The following GRID2 variants were observed in gnomAD, a reference collection of about 807,000 sequenced individuals.
GRID2 encodes glutamate receptor ionotropic, delta-2.
A neutral mutation model predicts 114.8 loss-of-function variants in GRID2; 33 were observed. The observed-to-expected ratio is 0.29, with a 90% CI of 0.22 to 0.38. The LOEUF (loss-of-function observed/expected upper bound fraction) is 0.38. GRID2 is among the 10% of genes least tolerant of loss of function. GRID2 has a pLI of 1.00. For missense variants in GRID2, 1,184 were observed against 1,257.7 expected (o/e 0.94, Z 0.89); for synonymous variants, 505 against 449.9 (o/e 1.12, Z -1.55).
At chr4:93,383,312 C>A (rs558008950) in intron 8 of GRID2, among the ~76,000 whole-genome samples, 4 of 152,148 alleles carry the variant, frequency 2.6e-5, no homozygotes, top group Non-Finnish European at 5.9e-5. Context: ...TATAACATTC[C>A]TTTTGCCCAT....
At chr4:93,257,852 A>C (rs1291239255) in intron 8 of GRID2, among the ~76,000 whole-genome samples, 1 of 151,340 alleles carries the variant, frequency 6.6e-6, no homozygotes, top group Non-Finnish European at 1.5e-5. Flanking sequence ...ATAGGAATAA[A>C]ATATAATTTT....
At chr4:92,628,463 A>G (rs565611755) in intron 2 of GRID2, among the ~76,000 whole-genome samples, 1 of 152,162 alleles carries the variant, frequency 6.6e-6, no homozygotes, top group African/African-American at 2.4e-5. Context: ...GGTTCAAGCA[A>G]TTCTCCTGCC....
intron 13 of GRID2, among the ~76,000 whole-genome samples, chr4:93,559,783 T>A (rs1734703804): frequency 1.3e-5 from 2 of 152,154 alleles, no homozygotes; most frequent in Admixed American, 6.6e-5. Flanking sequence ...TGCACAAGTA[T>A]GTTTATTGCA....
chr4:92,371,447 C>T (rs1252503152), intron 1 of GRID2, among the ~76,000 whole-genome samples: 1 of 152,140 alleles, frequency 6.6e-6, no homozygotes, highest in Non-Finnish European at 1.5e-5. Context: ...TGCTCATTCA[C>T]CATTCTGAAA....
intron 1 of GRID2, among the ~76,000 whole-genome samples, chr4:92,495,215 C>A (rs987185282): frequency 9.2e-5 from 14 of 151,946 alleles, no homozygotes; most frequent in African/African-American, 3.1e-4. Flanking sequence ...ATCTGGAATA[C>A]ATTTCAAGCT....
At chr4:92,854,383 C>G (rs1744033830) in intron 2 of GRID2, among the ~76,000 whole-genome samples, 1 of 151,966 alleles carries the variant, frequency 6.6e-6, no homozygotes, top group Non-Finnish European at 1.5e-5. Flanking sequence ...AAGATCACTC[C>G]AGGGGCAGAG....
At chr4:93,406,335 T>A (rs1766412456) in intron 9 of GRID2, among the ~76,000 whole-genome samples, 1 of 152,158 alleles carries the variant, frequency 6.6e-6, no homozygotes. Flanking sequence ...ACTGGAGACA[T>A]GAAAGTATGG....
intron 8 of GRID2, among the ~76,000 whole-genome samples, chr4:93,267,419 C>G (rs1750975342): frequency 6.6e-6 from 1 of 152,104 alleles, no homozygotes; most frequent in Non-Finnish European, 1.5e-5. Context: ...GGTGGAGCAA[C>G]CACTGCTGTG....
chr4:92,386,408 A>G (rs755523416), intron 1 of GRID2, among the ~76,000 whole-genome samples: 12 of 151,758 alleles, frequency 7.9e-5, no homozygotes, highest in Admixed American at 2.0e-4. Context: ...GTCCTAATGT[A>G]TGGCTGTTAA....
intron 1 of GRID2, among the ~76,000 whole-genome samples, chr4:92,334,878 A>G (rs762328454): frequency 3.3e-5 from 5 of 152,356 alleles, no homozygotes; most frequent in Non-Finnish European, 5.9e-5. Context: ...ATCACAGAGG[A>G]ACAGAGCCAA....
intron 8 of GRID2, among the ~76,000 whole-genome samples, chr4:93,247,142 T>C (rs1748305156): frequency 6.6e-6 from 1 of 152,114 alleles, no homozygotes; most frequent in Non-Finnish European, 1.5e-5. Context: ...AGATGACTGA[T>C]GGGGTACAAT....
intron 2 of GRID2, among the ~76,000 whole-genome samples, chr4:92,987,762 A>T (rs376122710): frequency 2.1e-5 from 2 of 96,822 alleles, no homozygotes; most frequent in Non-Finnish European, 3.9e-5. Flanking sequence ...GAATATTAAA[A>T]CAAAAAATAT....
intron 14 of GRID2, among the ~76,000 whole-genome samples, chr4:93,670,259 C>G (rs1724297158): frequency 6.6e-6 from 1 of 152,076 alleles, no homozygotes; most frequent in Non-Finnish European, 1.5e-5. Flanking sequence ...TCTATGCACC[C>G]TGAAACTCAA....
intron 8 of GRID2, among the ~76,000 whole-genome samples, chr4:93,395,291 T>C (rs1332638152): frequency 6.6e-6 from 1 of 151,984 alleles, no homozygotes; most frequent in African/African-American, 2.4e-5. Flanking sequence ...GTTAGAGTTA[T>C]ATGTGCTATT....
intron 13 of GRID2, among the ~76,000 whole-genome samples, chr4:93,596,130 G>A (rs1347097707): frequency 1.3e-5 from 2 of 152,142 alleles, no homozygotes; most frequent in African/African-American, 2.4e-5. Flanking sequence ...TTATTATCTA[G>A]TTCACTATTG....
intron 1 of GRID2, among the ~76,000 whole-genome samples, chr4:92,359,204 T>C (rs1020209591): frequency 1.3e-5 from 2 of 151,976 alleles, no homozygotes; most frequent in Admixed American, 6.6e-5. Flanking sequence ...CAACATGTAG[T>C]GTTCTCATGT....
intron 8 of GRID2, among the ~76,000 whole-genome samples, chr4:93,284,754 G>T (rs1013907091): frequency 4.6e-5 from 7 of 151,716 alleles, no homozygotes; most frequent in Non-Finnish European, 7.4e-5. Context: ...TAATTAATTT[G>T]TATGAAATAT....
chr4:93,314,905 C>T (rs912559365), intron 8 of GRID2, among the ~76,000 whole-genome samples: 3 of 152,010 alleles, frequency 2.0e-5, no homozygotes, highest in East Asian at 1.9e-4. Context: ...TACCAGATTT[C>T]AAGTCTATAG....
At chr4:92,433,154 C>G (rs1328384291) in intron 1 of GRID2, among the ~76,000 whole-genome samples, 1 of 152,038 alleles carries the variant, frequency 6.6e-6, no homozygotes, top group Non-Finnish European at 1.5e-5. Flanking sequence ...CTCCCCTATC[C>G]TCTCTTCAAG....
Sources: gnomAD v4.1 joint callset for allele counts (sites outside exome capture counted in the v4.1 genomes callset) on GRCh38, gnomAD v4.1.1 for gene constraint, MANE v1.5 for transcripts, NCBI Gene and HGNC (gene_info 2026-07-23, HGNC 2026-07-21) for gene names.